ABCC4: variants seen among roughly 807,000 people sequenced by gnomAD.
The protein encoded by ABCC4 is ATP binding cassette subfamily C member 4 (PEL blood group), also known as ATP-binding cassette sub-family C member 4.
Under a neutral mutation model 168.5 loss-of-function variants are expected in ABCC4, and 102 were observed. The ratio of observed to expected loss-of-function variants is 0.61; its 90% CI spans 0.52 to 0.71. The LOEUF (loss-of-function observed/expected upper bound fraction) is 0.71. ABCC4 is among the 30% of genes least tolerant of loss of function. The probability of loss-of-function intolerance (pLI) is 0.00; values close to 1 mark genes in which losing one functional copy is unlikely to be tolerated. For synonymous variants in ABCC4, 617 were observed against 590.7 expected (o/e 1.04, Z -0.65); for missense variants, 1,402 against 1,605.8 (o/e 0.87, Z 2.17).
chr13:95,110,643 T>C (rs2035171513), intron 20 of ABCC4, among the ~76,000 whole-genome samples: 1 of 152,326 alleles, frequency 6.6e-6, no homozygotes, highest in African/African-American at 2.4e-5. Flanking sequence ...AGATTCATGA[T>C]GCTGGCATTG....
chr13:95,245,739 G>A lies in ABCC4; in HGVS notation c.306+1236C>T, dbSNP rs943632285. 5.3e-5 allele frequency among the ~76,000 whole-genome samples: 8 copies of A among 152,016 alleles called. No homozygotes were observed. The East Asian group carries it at 1.4e-3, about 26-fold the overall frequency. On this transcript the variant is annotated intron_variant, in intron 3 of 30. Coordinates refer to ENST00000645237, the MANE Select transcript of ABCC4 (RefSeq NM_005845.5). Reference sequence around the variant, plus strand: ...ATGAGACCATTCATCTCCCAGGACCGTCCAGTCCCCTGTTGTCTGACAGAT... The same window carrying A: ...ATGAGACCATTCATCTCCCAGGACCATCCAGTCCCCTGTTGTCTGACAGAT...
intron 20 of ABCC4, chr13:95,096,006 G>C (rs568326061): frequency 3.5e-5 from 14 of 404,676 alleles, no homozygotes; most frequent in Admixed American, 2.2e-4. Context: ...AAGTATAAGA[G>C]CAAAACAAAT....
intron 1 of ABCC4, among the ~76,000 whole-genome samples, chr13:95,297,043 G>C (rs773114319): frequency 4.6e-5 from 7 of 152,092 alleles, no homozygotes; most frequent in Non-Finnish European, 1.0e-4. Context: ...GGCCGATGCA[G>C]GTGTATCACC....
chr13:95,254,527 T>C (rs1416756142), intron 1 of ABCC4, among the ~76,000 whole-genome samples: 1 of 152,192 alleles, frequency 6.6e-6, no homozygotes, highest in Non-Finnish European at 1.5e-5. Context: ...AAAAAAATCC[T>C]GCTCCTCCCA....
intron 4 of ABCC4, among the ~76,000 whole-genome samples, chr13:95,214,067 T>C (rs930114000): frequency 1.3e-5 from 2 of 152,166 alleles, no homozygotes; most frequent in African/African-American, 2.4e-5. Context: ...CAAGTAGATG[T>C]GAGTTTAGGA....
At chr13:95,273,684 C>T (rs887138061) in intron 1 of ABCC4, among the ~76,000 whole-genome samples, 2 of 152,028 alleles carry the variant, frequency 1.3e-5, no homozygotes, top group South Asian at 2.1e-4. Context: ...CATCTTGTAG[C>T]TCCCACAGTT....
chr13:95,214,263 TAAG>T (rs2039049143), intron 4 of ABCC4, among the ~76,000 whole-genome samples: 1 of 151,878 alleles, frequency 6.6e-6, no homozygotes, highest in Admixed American at 6.6e-5. Flanking sequence ...AAAAAAGAGT[TAAG>T]AAAAAGAACA....
chr13:95,044,237 T>C (rs1421174043), intron 28 of ABCC4, 29 bp downstream of exon 28: 1 of 1,565,862 alleles, frequency 6.4e-7, no homozygotes, highest in Non-Finnish European at 8.7e-7. Flanking sequence ...AAATGTGGAC[T>C]CAAGGTTACA....
chr13:95,047,937 A>C (rs908851703), intron 27 of ABCC4, among the ~76,000 whole-genome samples: 3 of 152,102 alleles, frequency 2.0e-5, no homozygotes, highest in Non-Finnish European at 4.4e-5. Flanking sequence ...TAGGGATTTT[A>C]TCTCTCTTGA....
chr13:95,228,412 A>G (rs2039528495), intron 4 of ABCC4, among the ~76,000 whole-genome samples: 1 of 152,108 alleles, frequency 6.6e-6, no homozygotes, highest in Admixed American at 6.6e-5. Context: ...GTGGTAGAGG[A>G]GGCTGTCTGC....
chr13:95,029,184 A>ATCTATATCTATC (rs1566355134), intron 30 of ABCC4, among the ~76,000 whole-genome samples: 7 of 74,800 alleles, frequency 9.4e-5, no homozygotes, highest in African/African-American at 4.5e-4. Context: ...ATATATATAT[A>ATCTATATCTATC]TATATATATA....
chr13:95,077,653 C>T (rs1043172739), intron 21 of ABCC4, among the ~76,000 whole-genome samples: 105 of 147,100 alleles, frequency 7.1e-4, no homozygotes, highest in Admixed American at 2.0e-3. Context: ...ATCTTACAGG[C>T]GATGGCTACA....
chr13:95,284,861 G>A (rs912149336), intron 1 of ABCC4, among the ~76,000 whole-genome samples: 1 of 152,118 alleles, frequency 6.6e-6, no homozygotes, highest in Non-Finnish European at 1.5e-5. Context: ...CCAAAGGTTT[G>A]TTATTAGTAT....
intron 11 of ABCC4, among the ~76,000 whole-genome samples, chr13:95,183,165 T>C (rs1294538609): frequency 2.6e-5 from 4 of 151,892 alleles, no homozygotes; most frequent in African/African-American, 9.7e-5. Context: ...ATTAACTGAT[T>C]TAGAGAAAAG....
chr13:95,136,242 G>A (rs910501461), intron 19 of ABCC4, among the ~76,000 whole-genome samples: 14 of 151,794 alleles, frequency 9.2e-5, no homozygotes, highest in African/African-American at 2.4e-4. Flanking sequence ...GTGCAATCTC[G>A]GCTCACTGCA....
At chr13:95,070,453 G>A (rs1261966074) in intron 25 of ABCC4, among the ~76,000 whole-genome samples, 1 of 152,100 alleles carries the variant, frequency 6.6e-6, no homozygotes, top group Non-Finnish European at 1.5e-5. Flanking sequence ...TGTTTGTTCT[G>A]GTTTAGTTCC....
chr13:95,158,555 G>A (rs1033173595), intron 19 of ABCC4, among the ~76,000 whole-genome samples: 2 of 152,128 alleles, frequency 1.3e-5, no homozygotes, highest in Non-Finnish European at 2.9e-5. Flanking sequence ...TCAGGATGCT[G>A]AGCTCATAGG....
At chr13:95,242,683 C>T (rs9516547) in intron 3 of ABCC4, among the ~76,000 whole-genome samples, 138,466 of 152,254 alleles carry the variant, frequency 0.91, 63,141 homozygotes, top group African/African-American at 0.94. Context: ...CCATGCCTGG[C>T]CAATAAATAG....
At chr13:95,224,215 A>G (rs950150130) in intron 4 of ABCC4, among the ~76,000 whole-genome samples, 3 of 151,794 alleles carry the variant, frequency 2.0e-5, no homozygotes, top group African/African-American at 7.3e-5. Context: ...AAAAAAAAAA[A>G]AGAGAAACAT....
Sources: gnomAD v4.1 joint callset for allele counts (sites outside exome capture counted in the v4.1 genomes callset) on GRCh38, gnomAD v4.1.1 for gene constraint, MANE v1.5 for transcripts, NCBI Gene and HGNC (gene_info 2026-07-23, HGNC 2026-07-21) for gene names.